The following CDC42BPA variants were observed in gnomAD, a reference collection of about 807,000 sequenced individuals.
CDC42BPA encodes the protein CDC42 binding protein kinase alpha.
Under a neutral mutation model 223.5 loss-of-function variants are expected in CDC42BPA, and 80 were observed. That is an observed-to-expected ratio of 0.36 (90% CI 0.30 to 0.43). The LOEUF (loss-of-function observed/expected upper bound fraction) is 0.43. Among genes scored for constraint, CDC42BPA ranks in the 20% least tolerant of loss-of-function variants. The pLI is 1.00. For synonymous variants in CDC42BPA, 694 were observed against 718.6 expected, an observed-to-expected ratio of 0.97 and a Z score of 0.55; for missense variants, 1,743 against 2,099.9, an observed-to-expected ratio of 0.83 and a Z score of 3.32.
intron 12 of CDC42BPA, among the ~76,000 whole-genome samples, chr1:227,113,360 A>G (rs1238255715): frequency 6.6e-6 from 1 of 152,250 alleles, no homozygotes; most frequent in Non-Finnish European, 1.5e-5. Context: ...GGAGAGCTAA[A>G]GTGGACTCAG....
chr1:227,208,505 T>C (rs945973185), intron 3 of CDC42BPA, among the ~76,000 whole-genome samples: 28 of 149,016 alleles, frequency 1.9e-4, no homozygotes, highest in Non-Finnish European at 3.7e-4. Context: ...CGTTTAAGTC[T>C]TTAATCCATC....
chr1:227,184,165 G>C (rs1668385835), intron 5 of CDC42BPA, among the ~76,000 whole-genome samples: 1 of 151,994 alleles, frequency 6.6e-6, no homozygotes, highest in Admixed American at 6.5e-5. Flanking sequence ...AGTCTTACCA[G>C]GGTCTTTCAT....
chr1:227,003,981 G>A (rs1663468392), intron 35 of CDC42BPA: 1 of 151,728 alleles, frequency 6.6e-6, no homozygotes, highest in Non-Finnish European at 1.5e-5. Flanking sequence ...CTGCATGAAT[G>A]TTATCTTTAT....
chr1:227,101,903 TAAAGTCC>T (rs1481647319), intron 14 of CDC42BPA, among the ~76,000 whole-genome samples: 2 of 152,132 alleles, frequency 1.3e-5, no homozygotes, highest in Non-Finnish European at 2.9e-5. Context: ...AAAGAAAATG[TAAAGTCC>T]AAAGATTCTT....
chr1:227,080,218 A>T (rs1427250973), intron 17 of CDC42BPA, among the ~76,000 whole-genome samples: 1 of 151,886 alleles, frequency 6.6e-6, no homozygotes, highest in African/African-American at 2.4e-5. Context: ...AAGTTAAATA[A>T]ATATAAAAAG....
chr1:227,215,136 A>C (rs73094358), intron 2 of CDC42BPA, among the ~76,000 whole-genome samples: 4,545 of 152,310 alleles, frequency 0.03, 202 homozygotes, highest in African/African-American at 0.1. Flanking sequence ...TAGAGTATAC[A>C]AACTAAATTA....
chr1:227,268,643 AGTGTGTGTG>A (rs1685444024), intron 1 of CDC42BPA, among the ~76,000 whole-genome samples: 1 of 143,972 alleles, frequency 6.9e-6, no homozygotes, highest in Non-Finnish European at 1.5e-5. Context: ...GTATATATAT[AGTGTGTGTG>A]TATATATATA....
At chr1:227,129,969 G>A (rs557067474) in intron 10 of CDC42BPA, among the ~76,000 whole-genome samples, 1 of 151,928 alleles carries the variant, frequency 6.6e-6, no homozygotes, top group East Asian at 1.9e-4. Flanking sequence ...CCCAGCTACA[G>A]GTAACCATGG....
intron 1 of CDC42BPA, among the ~76,000 whole-genome samples, chr1:227,280,132 T>C (rs1303072645): frequency 6.6e-6 from 1 of 152,224 alleles, no homozygotes; most frequent in African/African-American, 2.4e-5. Flanking sequence ...ACTTATTTTC[T>C]ATTAGAATAA....
intron 3 of CDC42BPA, among the ~76,000 whole-genome samples, chr1:227,211,935 G>T (rs1244267768): frequency 6.6e-6 from 1 of 152,084 alleles, no homozygotes; most frequent in Non-Finnish European, 1.5e-5. Flanking sequence ...AATGTTTAAT[G>T]AAGAAATAGT....
intron 5 of CDC42BPA, among the ~76,000 whole-genome samples, chr1:227,169,927 T>C (rs1469008591): frequency 6.6e-6 from 1 of 152,206 alleles, no homozygotes; most frequent in Non-Finnish European, 1.5e-5. Flanking sequence ...CTAAAAGATG[T>C]AGCCAATCCT....
rs1346178960 is a variant in CDC42BPA, at chr1:227,147,578, T to C, written c.694-19A>G. On this transcript the variant is annotated intron_variant, in intron 6 of 36. Transcript: ENST00000366766. ...ACTGAACCTGAAGAAATTTACATTT[T>C]TATTAATCTCCTATATTAGAAATAA... 2 of 1,403,450 alleles carry C rather than the reference T, an allele frequency of 1.4e-6. No homozygotes were observed. The highest frequency in any genetic ancestry group is 9.8e-7 in the Non-Finnish European group (1 of 1,018,072). The allele number at this position is 1,403,450 out of a possible 1,614,324, so 86.9% of individuals were successfully genotyped here. A position where few individuals can be genotyped will look rare whatever the true frequency, so the allele number is the denominator to read the frequency against.
intron 5 of CDC42BPA, among the ~76,000 whole-genome samples, chr1:227,184,632 T>C (rs1572202296): frequency 6.6e-6 from 1 of 152,262 alleles, no homozygotes; most frequent in Middle Eastern, 3.4e-3. Context: ...TTTCAAAATC[T>C]GTTTAACTAC....
intron 12 of CDC42BPA, among the ~76,000 whole-genome samples, chr1:227,115,271 T>C (rs1329602001): frequency 6.6e-6 from 1 of 152,104 alleles, no homozygotes; most frequent in Non-Finnish European, 1.5e-5. Context: ...CCATCTATTA[T>C]ACTGGATTAA....
intron 14 of CDC42BPA, among the ~76,000 whole-genome samples, chr1:227,110,941 A>G (rs1686811164): frequency 6.6e-6 from 1 of 152,226 alleles, no homozygotes; most frequent in Non-Finnish European, 1.5e-5. Flanking sequence ...TGATTCATTC[A>G]TTAACTTAAC....
At chr1:227,183,083 A>T (rs1367679517) in intron 5 of CDC42BPA, 1 of 152,104 alleles carries the variant, frequency 6.6e-6, no homozygotes, top group Non-Finnish European at 1.5e-5. Flanking sequence ...CTATCATAGG[A>T]CTTCACCTTG....
At chr1:227,193,668 TTTTG>T in intron 5 of CDC42BPA, 114 bp downstream of exon 5, 4 of 819,364 alleles carry the variant, frequency 4.9e-6, no homozygotes, top group Non-Finnish European at 7.3e-6. Context: ...AAATAATTTT[TTTTG>T]GTTGACGATA....
intron 7 of CDC42BPA, among the ~76,000 whole-genome samples, chr1:227,146,562 C>CT (rs1397072725): frequency 2.0e-5 from 3 of 152,028 alleles, no homozygotes; most frequent in Non-Finnish European, 4.4e-5. Context: ...TATTCATATT[C>CT]TAAGTATTTG....
At chr1:227,092,117 T>C in intron 15 of CDC42BPA, 126 bp from the exon 16 acceptor site, 1 of 582,294 alleles carries the variant, frequency 1.7e-6, no homozygotes, top group Non-Finnish European at 3.0e-6. Flanking sequence ...GTTGTCCCCA[T>C]AGAATACAGC....
Sources: gnomAD v4.1 joint callset for allele counts (sites outside exome capture counted in the v4.1 genomes callset) on GRCh38, gnomAD v4.1.1 for gene constraint, MANE v1.5 for transcripts, NCBI Gene and HGNC (gene_info 2026-07-23, HGNC 2026-07-21) for gene names.